The following ARMC9 variants were observed in gnomAD, a reference collection of about 807,000 sequenced individuals.
ARMC9 encodes armadillo repeat containing 9, also known as lisH domain-containing protein ARMC9.
ARMC9 carries 94 observed loss-of-function variants against 107.0 expected under a neutral mutation model. The observed-to-expected ratio is 0.88, with a 90% CI of 0.74 to 1.04. ARMC9 has a LOEUF of 1.04. Among genes scored for constraint, ARMC9 ranks in the 50% least tolerant of loss-of-function variants. ARMC9 has a pLI of 0.00. For missense variants in ARMC9, 942 were observed against 1,030.1 expected (o/e 0.91, Z 1.17); for synonymous variants, 380 against 396.9 (o/e 0.96, Z 0.51).
At chr2:231,330,792 C>CTAAAGGAAGCAGGCTTTGGG (rs372433978) in intron 19 of ARMC9, among the ~76,000 whole-genome samples, 2 of 151,968 alleles carry the variant, frequency 1.3e-5, no homozygotes, top group East Asian at 1.9e-4. Context: ...GGTCCTTTGG[C>CTAAAGGAAGCAGGCTTTGGG]TAAAGGAAGC....
intron 20 of ARMC9, among the ~76,000 whole-genome samples, chr2:231,334,874 C>T (rs1012694121): frequency 6.6e-6 from 1 of 152,026 alleles, no homozygotes; most frequent in Non-Finnish European, 1.5e-5. Context: ...ACATTTTTGT[C>T]GCGTTTTGTG....
intron 15 of ARMC9, 151 bp from the exon 16 acceptor site, chr2:231,278,231 G>T (rs1218304547): frequency 2.9e-6 from 2 of 701,690 alleles, no homozygotes; most frequent in Non-Finnish European, 5.1e-6. Flanking sequence ...GGCCCAGATT[G>T]GTTACATGAC....
chr2:231,313,917 G>A (rs954520937), intron 19 of ARMC9, among the ~76,000 whole-genome samples: 4 of 148,262 alleles, frequency 2.7e-5, no homozygotes, highest in Non-Finnish European at 5.9e-5. Context: ...CACCACTTCT[G>A]CCTAATTTTT....
chr2:231,364,806 A>AAAAG (rs933289677), intron 23 of ARMC9, among the ~76,000 whole-genome samples: 1 of 152,034 alleles, frequency 6.6e-6, no homozygotes, highest in Non-Finnish European at 1.5e-5. Flanking sequence ...TCAAAAAAAA[A>AAAAG]AAAGAAAGAA....
intron 14 of ARMC9, among the ~76,000 whole-genome samples, chr2:231,275,162 T>C (rs1396946538): frequency 6.6e-6 from 1 of 152,208 alleles, no homozygotes; most frequent in Admixed American, 6.5e-5. Flanking sequence ...CTGCAATAAA[T>C]GAAGAAGGTA....
rs752742688 is a variant in ARMC9 at position 231,240,054 on chromosome 2, G to T, written c.879+13G>T. 1 of 1,606,262 alleles carries T rather than the reference G, an allele frequency of 6.2e-7. No homozygotes were observed. The highest frequency in any genetic ancestry group is 8.5e-7 in the Non-Finnish European group (1 of 1,174,452). ...GAGGCCTGGGACGGTGAGGCTCTGC[G>T]CTCAGGGCAGGGTGCCCGTGGTCTA... On this transcript the variant is annotated intron_variant, in intron 9 of 24. Coordinates refer to ENST00000611582, the MANE Select transcript of ARMC9 (RefSeq NM_001352754.2).
intron 7 of ARMC9, among the ~76,000 whole-genome samples, chr2:231,231,759 G>T (rs1339938703): frequency 6.6e-6 from 1 of 151,914 alleles, no homozygotes; most frequent in Non-Finnish European, 1.5e-5. Flanking sequence ...CGTGATCTTG[G>T]CTCACTGCAA....
At position 231,214,916 on chromosome 2, in the gene ARMC9, A is replaced by T; in HGVS notation, c.263A>T (p.Asp88Val). The T allele has an allele frequency of 6.2e-7, 1 of 1,614,078 alleles. No homozygotes were observed. Among genetic ancestry groups the T allele is most frequent in the Non-Finnish European group, 8.5e-7 (1 of 1,180,000 alleles). Residue 88 changes from aspartate to valine, a missense_variant, in exon 4 of 25, where the codon GAT becomes GTT. By Grantham distance (152) the Asp-to-Val change is radical. Transcript: ENST00000611582. The part of the protein sequence containing the change: ...WEEHISSSIR[D>V]GDSFAQKLEF... ...GAGCACATTTCAAGTTCCATCCGAG[A>T]TGGGGACTCCTTTGCCCAGAAGCTG...
intron 19 of ARMC9, among the ~76,000 whole-genome samples, chr2:231,301,126 A>C (rs920877783): frequency 6.6e-6 from 1 of 152,232 alleles, no homozygotes; most frequent in Non-Finnish European, 1.5e-5. Context: ...TTTGTTTTTC[A>C]AAATGAGATA....
At chr2:231,227,033 G>T (rs963963392) in intron 7 of ARMC9, among the ~76,000 whole-genome samples, 3 of 152,190 alleles carry the variant, frequency 2.0e-5, no homozygotes, top group Non-Finnish European at 4.4e-5. Context: ...GAAATGAAGA[G>T]AATCCAATAA....
chr2:231,338,047 C>T (rs996248114), intron 20 of ARMC9, among the ~76,000 whole-genome samples: 2 of 152,138 alleles, frequency 1.3e-5, no homozygotes, highest in Admixed American at 6.5e-5. Context: ...AGCCCAGGCT[C>T]TTTTCATCTC....
At chr2:231,337,441 C>T (rs1298005633) in intron 20 of ARMC9, among the ~76,000 whole-genome samples, 11 of 146,716 alleles carry the variant, frequency 7.5e-5, no homozygotes, top group East Asian at 2.0e-4. Flanking sequence ...GAATTACAGG[C>T]GCGCGCCACC....
At chr2:231,296,468 C>T (rs1471388493) in intron 19 of ARMC9, among the ~76,000 whole-genome samples, 2 of 152,222 alleles carry the variant, frequency 1.3e-5, no homozygotes, top group Non-Finnish European at 2.9e-5. Context: ...AAGACTCCCA[C>T]ACTCATTGGG....
At chr2:231,361,527 C>T (rs2045583301) in intron 23 of ARMC9, among the ~76,000 whole-genome samples, 1 of 151,332 alleles carries the variant, frequency 6.6e-6, no homozygotes, top group Non-Finnish European at 1.5e-5. Flanking sequence ...AGTGTCCTCT[C>T]TTCCACTGTG....
At chr2:231,254,301 A>AG (rs1378700571) in intron 9 of ARMC9, among the ~76,000 whole-genome samples, 1 of 152,244 alleles carries the variant, frequency 6.6e-6, no homozygotes, top group Non-Finnish European at 1.5e-5. Flanking sequence ...GTCAAAAAGC[A>AG]GGTAATGTCT....
chr2:231,252,469 C>T (rs1034267788), intron 9 of ARMC9, among the ~76,000 whole-genome samples: 10 of 152,052 alleles, frequency 6.6e-5, no homozygotes, highest in Non-Finnish European at 1.3e-4. Context: ...AGGCTGGTCT[C>T]GAACTCCTGA....
At chr2:231,271,334 G>A (rs1022639484) in intron 13 of ARMC9, among the ~76,000 whole-genome samples, 1 of 152,152 alleles carries the variant, frequency 6.6e-6, no homozygotes, top group African/African-American at 2.4e-5. Flanking sequence ...TTGTAACATA[G>A]TAACATTTTA....
At chr2:231,324,246 G>C (rs2043176050) in intron 19 of ARMC9, among the ~76,000 whole-genome samples, 1 of 144,538 alleles carries the variant, frequency 6.9e-6, no homozygotes, top group Admixed American at 7.3e-5. Flanking sequence ...TTCTGCCTCA[G>C]CCTCCTGAGT....
intron 12 of ARMC9, among the ~76,000 whole-genome samples, chr2:231,267,242 T>A (rs983721486): frequency 9.2e-5 from 14 of 152,102 alleles, no homozygotes; most frequent in Admixed American, 2.6e-4. Flanking sequence ...ATTTTTTTTT[T>A]AATTTTTTGA....
Sources: allele counts gnomAD v4.1 joint callset (sites outside exome capture counted in the v4.1 genomes callset), GRCh38; gene constraint gnomAD v4.1.1; transcripts MANE v1.5; gene names NCBI Gene and HGNC (gene_info 2026-07-23, HGNC 2026-07-21).